The following ERCC1 variants were observed in gnomAD, a reference collection of about 807,000 sequenced individuals.
ERCC1 encodes ERCC excision repair 1, endonuclease non-catalytic subunit.
Under a neutral mutation model 37.6 loss-of-function variants are expected in ERCC1, and 36 were observed. The observed-to-expected ratio is 0.96, with a 90% confidence interval of 0.73 to 1.26. The LOEUF is 1.26. ERCC1 is among the 50% of genes most tolerant of loss of function. The pLI is 0.00. For synonymous variants in ERCC1, 156 were observed against 162.1 expected (o/e 0.96, Z 0.28); for missense variants, 349 against 376.5 (o/e 0.93, Z 0.60).
chr19:45,409,623 C>A lies in ERCC1; in HGVS notation c.*52G>T. The A allele has an allele frequency of 1.3e-6, 2 of 1,550,290 alleles. No homozygotes were observed. The highest frequency in any genetic ancestry group is 1.8e-6 in the Non-Finnish European group (2 of 1,127,956). On this transcript the variant is annotated 3_prime_UTR_variant, in exon 10 of 10. Coordinates refer to ENST00000300853, the MANE Select transcript of ERCC1 (RefSeq NM_001983.4). ...CCAGCGCAGCCAGCAGGAGCCTGGCCTGGGAGGACGATTTATTATTACACT... is the reference window on the plus strand; with the variant it reads ...CCAGCGCAGCCAGCAGGAGCCTGGCATGGGAGGACGATTTATTATTACACT...
chr19:45,432,272 C>T (rs1308584504), intron 1 of ERCC1, among the ~76,000 whole-genome samples: 1 of 146,062 alleles, frequency 6.8e-6, no homozygotes, highest in Non-Finnish European at 1.5e-5. Flanking sequence ...GCCTGGCCAA[C>T]ACAAAATTAA....
chr19:45,419,044 C>T (rs1974234188), intron 5 of ERCC1, 54 bp downstream of exon 5: 2 of 1,191,430 alleles, frequency 1.7e-6, no homozygotes, highest in Non-Finnish European at 2.4e-6. Context: ...TTCAACAGCC[C>T]ACTGCACAAC....
intron 6 of ERCC1, among the ~76,000 whole-genome samples, chr19:45,415,260 G>T (rs968981255): frequency 6.6e-6 from 1 of 151,130 alleles, no homozygotes. Context: ...GCCTGAACCC[G>T]GGAGGCGGAG....
intron 2 of ERCC1, among the ~76,000 whole-genome samples, chr19:45,422,021 C>T (rs541114300): frequency 5.9e-5 from 9 of 152,166 alleles, no homozygotes; most frequent in African/African-American, 1.4e-4. Context: ...TCAGCCACTT[C>T]TCCCCCACTC....
intron 5 of ERCC1, among the ~76,000 whole-genome samples, chr19:45,418,470 A>C (rs1168697063): frequency 6.6e-6 from 1 of 152,162 alleles, no homozygotes; most frequent in African/African-American, 2.4e-5. Flanking sequence ...CAGTGGGCTA[A>C]GATCTGGCCA....
At chr19:45,424,922 C>CTTTTTTTTTTTT (rs986137310), upstream of ERCC1, among the ~76,000 whole-genome samples, 10 of 121,894 alleles carry the variant, frequency 8.2e-5, 1 homozygote, top group African/African-American at 3.2e-4. Context: ...TCTTTTTTTT[C>CTTTTTTTTTTTT]TTTTTTTTTT....
intron 1 of ERCC1, among the ~76,000 whole-genome samples, chr19:45,432,480 G>A (rs1974859925): frequency 6.6e-6 from 1 of 151,914 alleles, no homozygotes; most frequent in African/African-American, 2.4e-5. Context: ...TCTCAGTTTT[G>A]ATTTCCATTA....
intron 1 of ERCC1, among the ~76,000 whole-genome samples, chr19:45,432,778 G>A (rs115142372): frequency 3.9e-3 from 596 of 152,316 alleles, no homozygotes; most frequent in African/African-American, 0.014. Context: ...AATTAGGAGT[G>A]TAAGGGGGCC....
intron 1 of ERCC1, among the ~76,000 whole-genome samples, chr19:45,431,242 C>T (rs548592632): frequency 8.5e-5 from 13 of 152,272 alleles, no homozygotes; most frequent in South Asian, 6.2e-4. Flanking sequence ...TTAAGCCTGA[C>T]GTGAAAGTGA....
intron 1 of ERCC1, among the ~76,000 whole-genome samples, chr19:45,439,133 C>G (rs1281979724): frequency 6.6e-6 from 1 of 152,052 alleles, no homozygotes; most frequent in Non-Finnish European, 1.5e-5. Flanking sequence ...TTGCAGTGAG[C>G]TGAGATCGCA....
intron 1 of ERCC1, among the ~76,000 whole-genome samples, chr19:45,448,815 TC>T (rs1378836594): frequency 6.6e-6 from 1 of 152,092 alleles, no homozygotes; most frequent in Admixed American, 6.6e-5. Context: ...AGATGTATTT[TC>T]TTTTGAAGGA....
At chr19:45,411,258 A>T (rs773558477) in intron 9 of ERCC1, among the ~76,000 whole-genome samples, 1 of 152,218 alleles carries the variant, frequency 6.6e-6, no homozygotes, top group Non-Finnish European at 1.5e-5. Context: ...AACAAACAGG[A>T]GTGCAGATAC....
chr19:45,429,073 T>C (rs1318977064), intron 1 of ERCC1: 4 of 152,168 alleles, frequency 2.6e-5, no homozygotes, highest in Admixed American at 6.6e-5. Context: ...AAGTCTCCGC[T>C]GGAGAGGCTG....
chr19:45,433,578 C>T (rs1255008745), intron 1 of ERCC1, among the ~76,000 whole-genome samples: 1 of 151,708 alleles, frequency 6.6e-6, no homozygotes, highest in East Asian at 1.9e-4. Flanking sequence ...ATCCCAGCTA[C>T]TTAGGACGCT....
At chr19:45,414,136 G>A (rs1973906021) in intron 7 of ERCC1, 102 bp from the exon 8 acceptor site, 3 of 907,078 alleles carry the variant, frequency 3.3e-6, no homozygotes, top group Non-Finnish European at 5.4e-6. Context: ...AGACTGCCTG[G>A]CGTGCAGGAA....
At position 45,408,574 on chromosome 19, in the gene ERCC1, T is replaced by G; in HGVS notation, c.*1101A>C. ...ACGGGGCCCTGGAGGTGGACATGGC[T>G]TTGGGGTCGCCAGAAATGGATGTGC... is the stretch of plus-strand genomic sequence containing the variant. On this transcript the variant is annotated 3_prime_UTR_variant, in exon 10 of 10. Transcript: ENST00000300853. The G allele has an allele frequency of 6.2e-7, 1 of 1,612,928 alleles. No individual in the cohort carries two copies. Among genetic ancestry groups the G allele is most frequent in the Non-Finnish European group, 8.5e-7 (1 of 1,179,740 alleles).
Position 45,442,322 on chromosome 19 carries a change from AAAAAAAAGAAAAAG to A in ERCC1, c.-7-18955_-7-18942del, listed in dbSNP as rs1975142431. On this transcript the variant is annotated intron_variant, in intron 1 of 8. Transcript: ENST00000423698. ...GCAACAGAGACCCTGTCTCAAAAAA[AAAAAAAAGAAAAAG>A]AAAAAAAGTTTTGGTAACTACAAAA... Among the ~76,000 whole-genome samples, 4 of 144,040 alleles carry A rather than the reference AAAAAAAAGAAAAAG, an allele frequency of 2.8e-5. No homozygotes were observed. In the South Asian group the frequency reaches 9.5e-4, roughly 34 times the overall value. The allele number at this position is 144,040 out of a possible 152,430, so 94.5% of individuals were successfully genotyped here. A position where few individuals can be genotyped will look rare whatever the true frequency, so the allele number is the denominator to read the frequency against.
chr19:45,414,083 G>A, intron 7 of ERCC1, 49 bp from the exon 8 acceptor site: 1 of 1,502,438 alleles, frequency 6.7e-7, no homozygotes, highest in Non-Finnish European at 9.2e-7. Context: ...AGGCCAGCAA[G>A]ACTGAGCCTA....
intron 6 of ERCC1, chr19:45,415,827 G>T (rs758444651): frequency 4.0e-5 from 18 of 455,368 alleles, no homozygotes; most frequent in South Asian, 2.8e-4. Flanking sequence ...TGCTCTCTGG[G>T]CCTGTTTCCT....
Sources: gnomAD v4.1 joint callset for allele counts (sites outside exome capture counted in the v4.1 genomes callset) on GRCh38, gnomAD v4.1.1 for gene constraint, MANE v1.5 for transcripts, NCBI Gene and HGNC (gene_info 2026-07-23, HGNC 2026-07-21) for gene names.